ALK: variants seen among roughly 807,000 people sequenced by gnomAD.
ALK encodes the protein ALK tyrosine kinase receptor.
ALK carries 74 observed loss-of-function variants against 163.1 expected under a neutral mutation model. The observed-to-expected ratio is 0.45, with a 90% CI of 0.38 to 0.55. The LOEUF (loss-of-function observed/expected upper bound fraction) is 0.55, where lower values mean the gene tolerates loss of function less well. Among genes scored for constraint, ALK ranks in the 20% least tolerant of loss-of-function variants. The pLI, the probability that ALK is intolerant of heterozygous loss-of-function variation, is 0.00. For missense variants in ALK, 2,063 were observed against 2,105.3 expected (o/e 0.98, Z 0.39); for synonymous variants, 960 against 843.2 (o/e 1.14, Z -2.40).
intron 2 of ALK, among the ~76,000 whole-genome samples, chr2:29,704,669 C>T (rs1362179901): frequency 6.6e-6 from 1 of 152,140 alleles, no homozygotes; most frequent in Non-Finnish European, 1.5e-5. Flanking sequence ...TCTCCTCCTG[C>T]ATGTATTCTT....
intron 1 of ALK, among the ~76,000 whole-genome samples, chr2:29,779,946 C>T (rs948477824): frequency 6.6e-6 from 1 of 152,142 alleles, no homozygotes; most frequent in African/African-American, 2.4e-5. Flanking sequence ...TCACTGACAC[C>T]AGGAAACTGT....
Position 29,193,457 on chromosome 2 carries a change from T to C in ALK, c.4630A>G (p.Asn1544Asp), listed in dbSNP as rs1668930964. 1 of 1,614,156 alleles carries C rather than the reference T, an allele frequency of 6.2e-7. No individual in the cohort carries two copies. The highest frequency in any genetic ancestry group is 8.5e-7 in the Non-Finnish European group (1 of 1,180,008). Residue 1544 changes from asparagine to aspartate, a missense_variant, in exon 29 of 29, where the codon AAC (asparagine) becomes GAC (aspartate). Asn to Asp is a conservative substitution (Grantham distance 23, BLOSUM62 1). This residue lies in a region of ALK where 403 missense variants were observed against 366.2 expected (regional missense o/e 1.10). Coordinates refer to ENST00000389048, the MANE Select transcript of ALK (RefSeq NM_004304.5). The stretch of plus-strand genomic sequence containing the variant: ...CCCGGAAGTCTCCCAGTTGCAACGT[T>C]AGGTGGGACAGTACAGCTTCCCTCC... The part of the protein sequence containing the change: ...GLEGSCTVPP[N>D]VATGRLPGAS...
intron 4 of ALK, among the ~76,000 whole-genome samples, chr2:29,491,332 T>C (rs1473632480): frequency 6.6e-6 from 1 of 152,116 alleles, no homozygotes; most frequent in Non-Finnish European, 1.5e-5. Context: ...GCCGAGTTCA[T>C]AATATGTACT....
At chr2:29,771,485 A>T (rs1387807608) in intron 1 of ALK, among the ~76,000 whole-genome samples, 1 of 152,144 alleles carries the variant, frequency 6.6e-6, no homozygotes, top group Non-Finnish European at 1.5e-5. Flanking sequence ...CAATGGAGTG[A>T]TGTCTTCCAA....
chr2:29,679,752 T>C (rs950774461), intron 3 of ALK, among the ~76,000 whole-genome samples: 2 of 151,952 alleles, frequency 1.3e-5, no homozygotes, highest in South Asian at 4.1e-4. Context: ...GTTTAAGCCT[T>C]TTATATTAAC....
At chr2:29,327,593 G>A (rs1667306353) in intron 6 of ALK, among the ~76,000 whole-genome samples, 1 of 152,148 alleles carries the variant, frequency 6.6e-6, no homozygotes, top group Non-Finnish European at 1.5e-5. Context: ...AGATACTACA[G>A]GTTCCTTTTC....
rs540307469 is a variant in ALK at position 29,686,135 on chromosome 2, T to G, written c.952+8715A>C. ...TTCACAGGTTCTAGGGATCGGGGCATCTTGTTGGGGGCTGGAGGAAGCATT... is the reference window on the plus strand; with the variant it reads ...TTCACAGGTTCTAGGGATCGGGGCAGCTTGTTGGGGGCTGGAGGAAGCATT... On this transcript the variant is annotated intron_variant, in intron 3 of 28. Coordinates refer to ENST00000389048, the MANE Select transcript of ALK (RefSeq NM_004304.5). Among the ~76,000 whole-genome samples, 10 of 152,250 alleles carry G rather than the reference T, an allele frequency of 6.6e-5. No individual in the cohort carries two copies. In the South Asian group the frequency reaches 2.1e-3, roughly 32 times the overall value.
At chr2:29,793,264 T>G (rs1480016653) in intron 1 of ALK, among the ~76,000 whole-genome samples, 1 of 152,170 alleles carries the variant, frequency 6.6e-6, no homozygotes, top group Non-Finnish European at 1.5e-5. Flanking sequence ...CAGTCACATC[T>G]TTGGGCTCCA....
chr2:29,501,606 A>C (rs1672190776), intron 4 of ALK, among the ~76,000 whole-genome samples: 2 of 152,180 alleles, frequency 1.3e-5, no homozygotes, highest in South Asian at 4.1e-4. Flanking sequence ...ATCTCTGTGG[A>C]AAGCTCCATT....
chr2:29,301,818 A>G (rs1229143301), intron 8 of ALK, among the ~76,000 whole-genome samples: 1 of 152,210 alleles, frequency 6.6e-6, no homozygotes, highest in African/African-American at 2.4e-5. Flanking sequence ...CGGGCAAAAG[A>G]GAGAGAACTG....
intron 1 of ALK, among the ~76,000 whole-genome samples, chr2:29,719,341 A>C (rs74395696): frequency 0.011 from 1,647 of 152,294 alleles, 29 homozygotes; most frequent in African/African-American, 0.038. Flanking sequence ...CATTTCTGCA[A>C]AACAGCTCAG....
chr2:29,222,461 T>C (rs1244301177), intron 21 of ALK, 53 bp from the exon 22 acceptor site: 1 of 1,612,020 alleles, frequency 6.2e-7, no homozygotes, highest in East Asian at 2.2e-5. Flanking sequence ...AGCTGAGAAC[T>C]GCAGCCTACA....
intron 1 of ALK, among the ~76,000 whole-genome samples, chr2:29,917,498 G>A (rs147685736): frequency 9.2e-5 from 14 of 152,284 alleles, no homozygotes; most frequent in Middle Eastern, 3.4e-3. Context: ...GAAAATGAAC[G>A]GAACCATAAT....
At chr2:29,611,079 C>A (rs1452798699) in intron 3 of ALK, among the ~76,000 whole-genome samples, 4 of 152,072 alleles carry the variant, frequency 2.6e-5, no homozygotes, top group Admixed American at 2.0e-4. Context: ...GGGAGAGGGA[C>A]AGGCATGGGA....
At chr2:29,832,088 T>A (rs572625936) in intron 1 of ALK, among the ~76,000 whole-genome samples, 1 of 152,280 alleles carries the variant, frequency 6.6e-6, no homozygotes, top group South Asian at 2.1e-4. Flanking sequence ...AGGTTCCCTG[T>A]ATGCATTGTC....
At position 29,411,305 on chromosome 2, in the gene ALK, C is replaced by G. The variant is rs1020702011; in HGVS notation, c.1155-27446G>C. Among the ~76,000 whole-genome samples the G allele has an allele frequency of 2.6e-5, 4 of 152,260 alleles. No individual in the cohort carries two copies. In the South Asian group the frequency reaches 8.3e-4, roughly 32 times the overall value. The stretch of plus-strand genomic sequence containing the variant: ...TATCTCCTGAGGGCCCTGCCTGAGG[C>G]TGTTCTAGAGGAGCTGTCACTCTTT... On this transcript the variant is annotated intron_variant, in intron 4 of 28. Transcript: ENST00000389048.
At chr2:29,280,058 A>G (rs1665667772) in intron 9 of ALK, among the ~76,000 whole-genome samples, 1 of 151,586 alleles carries the variant, frequency 6.6e-6, no homozygotes, top group African/African-American at 2.4e-5. Context: ...GGGACCTGAC[A>G]CACTCTGGGA....
intron 1 of ALK, among the ~76,000 whole-genome samples, chr2:29,834,243 G>C (rs1401739643): frequency 1.3e-5 from 2 of 152,146 alleles, no homozygotes; most frequent in African/African-American, 2.4e-5. Flanking sequence ...CTGCCTGAGA[G>C]CTCTAATCAC....
chr2:29,768,985 C>A (rs1467748200), intron 1 of ALK, among the ~76,000 whole-genome samples: 1 of 152,066 alleles, frequency 6.6e-6, no homozygotes, highest in African/African-American at 2.4e-5. Context: ...AGGTGCACAC[C>A]ACCATGCCCA....
Sources: allele counts gnomAD v4.1 joint callset (sites outside exome capture counted in the v4.1 genomes callset), GRCh38; gene constraint gnomAD v4.1.1; regional missense constraint gnomAD v4.1.1; transcripts MANE v1.5; gene names NCBI Gene and HGNC (gene_info 2026-07-23, HGNC 2026-07-21).